Variants in SIAE observed in about 807,000 individuals in gnomAD.
SIAE encodes the protein sialic acid acetylesterase.
Under a neutral mutation model 52.6 loss-of-function variants are expected in SIAE, and 39 were observed. The observed-to-expected ratio is 0.74, with a 90% confidence interval of 0.57 to 0.97. The LOEUF (loss-of-function observed/expected upper bound fraction) is 0.97, where lower values mean the gene tolerates loss of function less well. SIAE is among the 50% of genes least tolerant of loss of function. The probability of loss-of-function intolerance (pLI) is 0.00; values close to 1 mark genes in which losing one functional copy is unlikely to be tolerated. For synonymous variants in SIAE, 233 were observed against 241.4 expected, an observed-to-expected ratio of 0.97 and a Z score of 0.32; for missense variants, 592 against 662.1, an observed-to-expected ratio of 0.89 and a Z score of 1.16.
chr11:124,646,649 T>G (rs920135259), intron 7 of SIAE, among the ~76,000 whole-genome samples: 1 of 152,176 alleles, frequency 6.6e-6, no homozygotes, highest in African/African-American at 2.4e-5. Flanking sequence ...ATTCATGAAT[T>G]TCTTCAGAGA....
In SIAE at chr11:124,647,374, TC is replaced by T. The variant is rs774836998; in HGVS notation, c.956del (p.Gly319AspfsTer44). ...QGQTERFFPF[G>X]LVQLSSDLSK... ...TTTACCCACATCGTACCTGGACAAGTCCAAATGGGAAGAAACGCTCCGTCTG... is the reference window on the plus strand; with the variant it reads ...TTTACCCACATCGTACCTGGACAAGTCAAATGGGAAGAAACGCTCCGTCTG... On this transcript the variant is annotated frameshift_variant, in exon 7 of 10. Coordinates refer to ENST00000263593, the MANE Select transcript of SIAE (RefSeq NM_170601.5). LOFTEE classifies it high-confidence loss of function. 22 of 1,614,016 alleles carry T rather than the reference TC, an allele frequency of 1.4e-5. No homozygotes were observed. Among genetic ancestry groups the T allele is most frequent in the Non-Finnish European group, 1.9e-5 (22 of 1,180,030 alleles).
intron 4 of SIAE, among the ~76,000 whole-genome samples, chr11:124,652,626 G>T (rs1450546003): frequency 1.3e-5 from 2 of 151,422 alleles, no homozygotes; most frequent in East Asian, 3.9e-4. Flanking sequence ...GCTGGGAGGT[G>T]GAGGTTGCAG....
chr11:124,649,510 A>G, intron 5 of SIAE, 109 bp downstream of exon 5: 1 of 1,156,784 alleles, frequency 8.6e-7, no homozygotes, highest in Non-Finnish European at 1.3e-6. Context: ...TACATTCAAC[A>G]CATATTGGGA....
intron 1 of SIAE, among the ~76,000 whole-genome samples, chr11:124,672,711 T>C (rs953077102): frequency 6.6e-6 from 1 of 151,740 alleles, no homozygotes; most frequent in Non-Finnish European, 1.5e-5. Context: ...GCATACAGAG[T>C]GCTAGCATTT....
intron 2 of SIAE, among the ~76,000 whole-genome samples, chr11:124,664,839 G>A (rs912806643): frequency 1.3e-5 from 2 of 151,970 alleles, no homozygotes; most frequent in African/African-American, 4.8e-5. Context: ...TTCCCGAGAA[G>A]AACAACCTAG....
chr11:124,666,613 C>G (rs1943276574), intron 2 of SIAE, among the ~76,000 whole-genome samples: 1 of 152,220 alleles, frequency 6.6e-6, no homozygotes, highest in East Asian at 1.9e-4. Flanking sequence ...ATGAATCACT[C>G]AATTCTCTTA....
intron 2 of SIAE, among the ~76,000 whole-genome samples, chr11:124,668,788 C>G (rs1430320642): frequency 2.0e-5 from 3 of 152,226 alleles, no homozygotes; most frequent in African/African-American, 4.8e-5. Context: ...CATTATGGCA[C>G]TCTCAGTAAA....
chr11:124,662,977 T>A (rs2134385413), intron 2 of SIAE, among the ~76,000 whole-genome samples: 1 of 152,026 alleles, frequency 6.6e-6, no homozygotes, highest in Admixed American at 6.5e-5. Context: ...AAACCCTGTC[T>A]CTACTAAAAA....
At chr11:124,663,872 A>T (rs1425435616) in intron 2 of SIAE, among the ~76,000 whole-genome samples, 1 of 152,188 alleles carries the variant, frequency 6.6e-6, no homozygotes, top group African/African-American at 2.4e-5. Context: ...AACCACAAAG[A>T]GTTTACCATC....
intron 2 of SIAE, 41 bp downstream of exon 2, chr11:124,669,319 C>A (rs757028670): frequency 1.2e-6 from 2 of 1,612,236 alleles, no homozygotes; most frequent in Admixed American, 3.3e-5. Flanking sequence ...CAGCAGGTGG[C>A]AGAAGAGGGC....
chr11:124,668,304 C>T (rs958608998), intron 2 of SIAE, among the ~76,000 whole-genome samples: 46 of 152,204 alleles, frequency 3.0e-4, no homozygotes, highest in African/African-American at 1.1e-3. Flanking sequence ...CTACTCTCTA[C>T]AAAGCACTCC....
At chr11:124,675,941 C>T (rs1182764064), upstream of SIAE, 1 of 152,438 alleles carries the variant, frequency 6.6e-6, no homozygotes, top group African/African-American at 2.4e-5. Flanking sequence ...ACGGCACAGA[C>T]AAACTGATTT....
intron 4 of SIAE, chr11:124,654,142 C>A (rs1943059578): frequency 1.2e-6 from 1 of 843,438 alleles, no homozygotes; most frequent in African/African-American, 1.8e-5. Context: ...CACACCACTG[C>A]ATTCCAGCCT....
chr11:124,639,940 T>G, intron 7 of SIAE, 73 bp from the exon 8 acceptor site: 3 of 1,522,760 alleles, frequency 2.0e-6, no homozygotes, highest in South Asian at 2.2e-5. Flanking sequence ...TGGCAGACTC[T>G]GCTTCTGCTT....
At chr11:124,654,983 C>G (rs1199630261) in intron 3 of SIAE, among the ~76,000 whole-genome samples, 190 bp from the exon 4 acceptor site, 1 of 151,924 alleles carries the variant, frequency 6.6e-6, no homozygotes, top group Non-Finnish European at 1.5e-5. Context: ...GAATCATGTT[C>G]CCAAAGAGGG....
chr11:124,669,049 C>T (rs978243313), intron 2 of SIAE, among the ~76,000 whole-genome samples: 1 of 152,186 alleles, frequency 6.6e-6, no homozygotes, highest in Admixed American at 6.5e-5. Context: ...TTCAATGTTT[C>T]TCCTCTGTAC....
At chr11:124,639,130 T>C (rs1440371922) in intron 8 of SIAE, among the ~76,000 whole-genome samples, 1 of 152,244 alleles carries the variant, frequency 6.6e-6, no homozygotes, top group East Asian at 1.9e-4. Context: ...CTTTTATTCA[T>C]TTATTCAATA....
At chr11:124,665,151 A>G (rs1411119903) in intron 2 of SIAE, among the ~76,000 whole-genome samples, 1 of 152,250 alleles carries the variant, frequency 6.6e-6, no homozygotes, top group Non-Finnish European at 1.5e-5. Context: ...GTGACACCCC[A>G]AAGTCACATG....
chr11:124,647,875 G>A (rs1942962818), intron 6 of SIAE, among the ~76,000 whole-genome samples, 191 bp downstream of exon 6: 1 of 152,166 alleles, frequency 6.6e-6, no homozygotes, highest in Non-Finnish European at 1.5e-5. Context: ...GGTGGCCAAA[G>A]ACACATAAGA....
Sources: gnomAD v4.1 joint callset for allele counts (sites outside exome capture counted in the v4.1 genomes callset) on GRCh38, gnomAD v4.1.1 for gene constraint, MANE v1.5 for transcripts, NCBI Gene and HGNC (gene_info 2026-07-23, HGNC 2026-07-21) for gene names.